STRN3: variants seen among roughly 807,000 people sequenced by gnomAD.
STRN3 encodes striatin-3.
In STRN3, 29 loss-of-function variants were observed where a neutral mutation model predicts 95.6. The ratio of observed to expected loss-of-function variants is 0.30; its 90% CI spans 0.23 to 0.41. The LOEUF (loss-of-function observed/expected upper bound fraction) is 0.41. STRN3 is among the 10% of genes least tolerant of loss of function. STRN3 has a pLI of 1.00. For synonymous variants in STRN3, 331 were observed against 357.6 expected (o/e 0.93, Z 0.84); for missense variants, 890 against 972.1 (o/e 0.92, Z 1.12).
intron 5 of STRN3, among the ~76,000 whole-genome samples, chr14:30,945,298 C>T (rs1879305911): frequency 6.6e-6 from 1 of 152,098 alleles, no homozygotes; most frequent in African/African-American, 2.4e-5. Flanking sequence ...TGGAACCAAC[C>T]CACATACCCA....
At chr14:30,981,601 C>CACACACACAT (rs1256685135) in intron 1 of STRN3, among the ~76,000 whole-genome samples, 3 of 151,820 alleles carry the variant, frequency 2.0e-5, no homozygotes, top group Non-Finnish European at 4.4e-5. Context: ...CACACACACA[C>CACACACACAT]ACACACCCCA....
At chr14:30,896,067 C>T (rs1005322825) in intron 16 of STRN3, among the ~76,000 whole-genome samples, 1 of 152,190 alleles carries the variant, frequency 6.6e-6, no homozygotes. Flanking sequence ...TCGACTCTTT[C>T]TATAGACTGG....
At chr14:30,896,607 A>G (rs1321350487) in intron 16 of STRN3, among the ~76,000 whole-genome samples, 1 of 152,066 alleles carries the variant, frequency 6.6e-6, no homozygotes, top group Non-Finnish European at 1.5e-5. Context: ...AGAAGGAAGG[A>G]AAAGTGTCAG....
intron 1 of STRN3, among the ~76,000 whole-genome samples, chr14:31,020,920 T>A (rs1015714012): frequency 3.3e-5 from 5 of 151,278 alleles, no homozygotes; most frequent in African/African-American, 9.7e-5. Context: ...AAAAAAAAAA[T>A]TATTTCTAGA....
intron 1 of STRN3, among the ~76,000 whole-genome samples, chr14:31,017,191 T>A (rs1883280247): frequency 1.3e-5 from 2 of 151,160 alleles, no homozygotes; most frequent in Non-Finnish European, 2.9e-5. Context: ...ACTATTTACA[T>A]AGCATTTAGA....
At chr14:30,954,933 T>C (rs1336504378) in intron 3 of STRN3, among the ~76,000 whole-genome samples, 1 of 150,824 alleles carries the variant, frequency 6.6e-6, no homozygotes, top group African/African-American at 2.4e-5. Flanking sequence ...AAAAAAAAGC[T>C]CTGAATTCAC....
intron 1 of STRN3, among the ~76,000 whole-genome samples, chr14:31,002,843 G>A (rs1297592652): frequency 6.6e-6 from 1 of 152,088 alleles, no homozygotes; most frequent in African/African-American, 2.4e-5. Flanking sequence ...AGGAGGTGGA[G>A]GGAAATGAGT....
chr14:30,925,206 C>T (rs1442648884), intron 8 of STRN3, among the ~76,000 whole-genome samples: 1 of 150,460 alleles, frequency 6.6e-6, no homozygotes, highest in East Asian at 2.0e-4. Flanking sequence ...CACTTTTAAC[C>T]CCTTTTCCTC....
chr14:30,903,780 G>T (rs373832928), intron 15 of STRN3, among the ~76,000 whole-genome samples: 1 of 152,178 alleles, frequency 6.6e-6, no homozygotes, highest in South Asian at 2.1e-4. Context: ...AACTGGTGGT[G>T]TAACTACAAA....
chr14:31,009,604 ATTTT>A (rs34490042), intron 1 of STRN3, among the ~76,000 whole-genome samples: 2 of 144,680 alleles, frequency 1.4e-5, no homozygotes, highest in Non-Finnish European at 3.0e-5. Flanking sequence ...ACCATTGCCA[ATTTT>A]TTTTTTTTTT....
At position 30,919,101 on chromosome 14, in the gene STRN3, T is replaced by G; in HGVS notation, c.1105A>C (p.Asn369His). The change falls in exon 9 of 18, where the codon AAC becomes CAC. Residue 369 changes from asparagine (N) to histidine (H), a missense_variant. Asn to His is a moderately conservative substitution (Grantham distance 68). Around this residue, in one of 3 missense-constraint regions of STRN3, gnomAD observed 526 missense variants for 526.3 expected, o/e 1.00. Transcript: ENST00000357479. ...ATCATGTCGTAGAGTTTTGTCCTGT[T>G]GGCCCCTGTAAATTAATGTCAGCAG... Reference protein sequence around the residue: ...RKGKKGVKRANRTKLYDMIAD... With the variant: ...RKGKKGVKRAHRTKLYDMIAD... 1 of 1,602,848 alleles carries G rather than the reference T, an allele frequency of 6.2e-7. No individual in the cohort carries two copies. Among genetic ancestry groups the G allele is most frequent in the Non-Finnish European group, 8.5e-7 (1 of 1,173,604 alleles).
chr14:31,014,678 CA>C (rs759532020), intron 1 of STRN3: 5 of 458,100 alleles, frequency 1.1e-5, no homozygotes, highest in Non-Finnish European at 2.2e-5. Context: ...AAGGTAATAC[CA>C]ATACCTTGTG....
chr14:30,916,445 T>C (rs1896742259), intron 9 of STRN3, among the ~76,000 whole-genome samples: 1 of 152,026 alleles, frequency 6.6e-6, no homozygotes, highest in African/African-American at 2.4e-5. Flanking sequence ...CAGCTAATTT[T>C]TTTGTATTTT....
chr14:30,959,851 T>TTACACAGAAAATATA (rs1481503723), intron 1 of STRN3, among the ~76,000 whole-genome samples: 1 of 151,794 alleles, frequency 6.6e-6, no homozygotes, highest in African/African-American at 2.4e-5. Context: ...GGCAAGAGCT[T>TTACACAGAAAATATA]TACACAGAAA....
chr14:30,904,870 A>G (rs1392039019), intron 15 of STRN3, among the ~76,000 whole-genome samples: 1 of 152,022 alleles, frequency 6.6e-6, no homozygotes, highest in Non-Finnish European at 1.5e-5. Context: ...GTGAATAGAA[A>G]TAGAGAAGCA....
At chr14:30,912,219 A>G in intron 10 of STRN3, 37 bp from the exon 11 acceptor site, 1 of 1,591,192 alleles carries the variant, frequency 6.3e-7, no homozygotes, top group Admixed American at 1.8e-5. Flanking sequence ...TGGTAAAAGT[A>G]GTAAACTGGA....
At chr14:30,911,371 T>C (rs920803856) in intron 12 of STRN3, among the ~76,000 whole-genome samples, 1 of 149,208 alleles carries the variant, frequency 6.7e-6, no homozygotes, top group East Asian at 2.0e-4. Flanking sequence ...TGGTGATCTC[T>C]GCTCAGTAAA....
intron 1 of STRN3, among the ~76,000 whole-genome samples, chr14:30,968,216 A>T (rs965223403): frequency 6.6e-6 from 1 of 152,040 alleles, no homozygotes; most frequent in Non-Finnish European, 1.5e-5. Flanking sequence ...CCTAACTTCT[A>T]ATCTTATGGC....
chr14:30,993,897 T>C (rs1882082184), intron 1 of STRN3, among the ~76,000 whole-genome samples: 1 of 149,704 alleles, frequency 6.7e-6, no homozygotes, highest in East Asian at 2.0e-4. Flanking sequence ...TTTTTTAAGA[T>C]GGAATTTCAC....
Sources: allele counts gnomAD v4.1 joint callset (sites outside exome capture counted in the v4.1 genomes callset), GRCh38; gene constraint gnomAD v4.1.1; regional missense constraint gnomAD v4.1.1; transcripts MANE v1.5; gene names NCBI Gene and HGNC (gene_info 2026-07-23, HGNC 2026-07-21).